PLAC8L1: variants seen among roughly 807,000 people sequenced by gnomAD.
PLAC8L1 encodes PLAC8-like protein 1.
PLAC8L1 carries 13 observed loss-of-function variants against 16.3 expected under a neutral mutation model. The observed-to-expected ratio is 0.80, with a 90% CI of 0.52 to 1.27. The LOEUF (loss-of-function observed/expected upper bound fraction) is 1.27. PLAC8L1 is among the 50% of genes most tolerant of loss of function. The probability of loss-of-function intolerance (pLI) is 0.00; values close to 1 mark genes in which losing one functional copy is unlikely to be tolerated. For missense variants in PLAC8L1, 184 were observed against 220.2 expected, an observed-to-expected ratio of 0.84 and a Z score of 1.04; for synonymous variants, 78 against 79.3, an observed-to-expected ratio of 0.98 and a Z score of 0.09.
chr5:146,097,019 T>C (rs894597564), intron 2 of PLAC8L1, among the ~76,000 whole-genome samples: 37 of 152,320 alleles, frequency 2.4e-4, no homozygotes, highest in African/African-American at 7.7e-4. Flanking sequence ...CCTAGAAGGC[T>C]GATATATCCT....
intron 2 of PLAC8L1, among the ~76,000 whole-genome samples, chr5:146,090,487 A>T (rs1381116902): frequency 6.6e-6 from 1 of 152,088 alleles, no homozygotes; most frequent in Admixed American, 6.5e-5. Context: ...ATGAGCCGAG[A>T]TCGGGCCACT....
intron 2 of PLAC8L1, among the ~76,000 whole-genome samples, 192 bp downstream of exon 2, chr5:146,097,964 C>T (rs1763743707): frequency 6.6e-6 from 1 of 152,164 alleles, no homozygotes; most frequent in Non-Finnish European, 1.5e-5. Flanking sequence ...ACCACTTATT[C>T]TATAAAACAT....
intron 1 of PLAC8L1, among the ~76,000 whole-genome samples, chr5:146,103,181 C>T (rs1030689981): frequency 2.0e-5 from 3 of 152,058 alleles, no homozygotes; most frequent in Admixed American, 1.3e-4. Context: ...TTTTTTGAGA[C>T]AGAGTTTTGC....
intron 1 of PLAC8L1, among the ~76,000 whole-genome samples, chr5:146,101,853 T>C (rs557063975): frequency 2.4e-4 from 37 of 152,292 alleles, no homozygotes; most frequent in African/African-American, 7.7e-4. Flanking sequence ...AGAGCTTCAA[T>C]CGTCTTTTAG....
intron 1 of PLAC8L1, 92 bp from the exon 2 acceptor site, chr5:146,098,384 G>A (rs1763753198): frequency 2.3e-6 from 3 of 1,317,228 alleles, no homozygotes; most frequent in South Asian, 1.7e-5. Context: ...GAAGAGATAG[G>A]GACCCAATGA....
At chr5:146,086,070 C>T (rs1294539868) in intron 2 of PLAC8L1, among the ~76,000 whole-genome samples, 1 of 128,760 alleles carries the variant, frequency 7.8e-6, no homozygotes, top group Non-Finnish European at 1.6e-5. Context: ...CGCTCTGTCG[C>T]CCAGGCTGGA....
chr5:146,102,040 C>CTTTTTTTTTTTTTTTTTTTT (rs36011275), intron 1 of PLAC8L1, among the ~76,000 whole-genome samples: 5 of 130,508 alleles, frequency 3.8e-5, no homozygotes, highest in Non-Finnish European at 8.1e-5. Flanking sequence ...TGTGTTTACC[C>CTTTTTTTTTTTTTTTTTTTT]TTTTTTTTTT....
rs760244324 is a variant in PLAC8L1, at chr5:146,084,366, C to A, written c.*66G>T. On this transcript the variant is annotated 3_prime_UTR_variant, in exon 4 of 4. Coordinates refer to ENST00000311450, the MANE Select transcript of PLAC8L1 (RefSeq NM_001029869.3). ...ATTTCAGTAAAAACTTAGGAAAAAG[C>A]AATTGTTCCACTGAGAGGTTTGAGA... The A allele has an allele frequency of 1.7e-4, 263 of 1,542,934 alleles. No homozygotes were observed. Among genetic ancestry groups the A allele is most frequent in the Non-Finnish European group, 7.0e-5 (79 of 1,135,594 alleles).
intron 1 of PLAC8L1, among the ~76,000 whole-genome samples, chr5:146,103,533 T>C (rs549750046): frequency 6.6e-6 from 1 of 152,206 alleles, no homozygotes; most frequent in South Asian, 2.1e-4. Context: ...GACCAAGGGT[T>C]TTCCCAGGAT....
chr5:146,103,560 TA>T, intron 1 of PLAC8L1: 1 of 778,904 alleles, frequency 1.3e-6, no homozygotes, highest in Non-Finnish European at 1.6e-6. Context: ...GTTTTAGTGC[TA>T]AAACCAGTAC....
At chr5:146,094,935 C>G (rs1763685709) in intron 2 of PLAC8L1, among the ~76,000 whole-genome samples, 1 of 152,158 alleles carries the variant, frequency 6.6e-6, no homozygotes, top group Non-Finnish European at 1.5e-5. Context: ...AAGAAGCTCT[C>G]CCTTTGTTCC....
intron 3 of PLAC8L1, 50 bp from the exon 4 acceptor site, chr5:146,084,622 T>A (rs1259597215): frequency 1.9e-6 from 3 of 1,605,544 alleles, no homozygotes; most frequent in Non-Finnish European, 2.5e-6. Flanking sequence ...GGCTCATTTT[T>A]CTTCCCCAGG....
chr5:146,100,297 G>A (rs6862371), intron 1 of PLAC8L1, among the ~76,000 whole-genome samples: 58,232 of 151,916 alleles, frequency 0.38, 11,560 homozygotes, highest in African/African-American at 0.45. Flanking sequence ...CTTGGAAGAG[G>A]GGTTAGGGTT....
chr5:146,100,867 TAAGTG>T (rs2150038242), intron 1 of PLAC8L1, among the ~76,000 whole-genome samples: 2 of 152,196 alleles, frequency 1.3e-5, no homozygotes, highest in Non-Finnish European at 2.9e-5. Context: ...TAATGAAAGT[TAAGTG>T]AAGTTGTAGG....
Position 146,097,297 on chromosome 5 carries a change from T to A in PLAC8L1, c.256+859A>T, listed in dbSNP as rs753976121. 7.9e-5 allele frequency among the ~76,000 whole-genome samples: 12 copies of A among 152,226 alleles called. No individual in the cohort carries two copies. The South Asian group carries it at 2.5e-3, about 31-fold the overall frequency. ...GAAGACAGTGTTATTTGCCCCTCTT[T>A]ATAGCTGAAAAGTGTCAAACCAGTG... On this transcript the variant is annotated intron_variant, in intron 2 of 3. Transcript: ENST00000311450.
intron 2 of PLAC8L1, among the ~76,000 whole-genome samples, chr5:146,088,940 A>G (rs1763565948): frequency 6.6e-6 from 1 of 152,176 alleles, no homozygotes; most frequent in Admixed American, 6.5e-5. Context: ...TTATGAGTGG[A>G]TTACAAAATA....
At chr5:146,100,353 C>G (rs1433131718) in intron 1 of PLAC8L1, among the ~76,000 whole-genome samples, 1 of 152,042 alleles carries the variant, frequency 6.6e-6, no homozygotes, top group Non-Finnish European at 1.5e-5. Flanking sequence ...TGAAATACCC[C>G]CAGCCCTTTT....
chr5:146,098,695 T>G (rs1437787301), intron 1 of PLAC8L1, among the ~76,000 whole-genome samples: 1 of 152,204 alleles, frequency 6.6e-6, no homozygotes, highest in Non-Finnish European at 1.5e-5. Context: ...CTCATGAGAT[T>G]ATTGTGTCTA....
chr5:146,092,583 C>G (rs1464520728), intron 2 of PLAC8L1, among the ~76,000 whole-genome samples: 3 of 147,380 alleles, frequency 2.0e-5, no homozygotes, highest in Non-Finnish European at 4.5e-5. Context: ...ACTCTGTCAC[C>G]CAGGCTGAAG....
Sources: allele counts gnomAD v4.1 joint callset (sites outside exome capture counted in the v4.1 genomes callset), GRCh38; gene constraint gnomAD v4.1.1; transcripts MANE v1.5; gene names NCBI Gene and HGNC (gene_info 2026-07-23, HGNC 2026-07-21).